Variants in SLC24A3 observed in about 807,000 individuals in gnomAD.
SLC24A3 encodes sodium/potassium/calcium exchanger 3.
SLC24A3 carries 28 observed loss-of-function variants against 75.8 expected under a neutral mutation model. The observed-to-expected ratio is 0.37, with a 90% confidence interval of 0.27 to 0.51. SLC24A3 has a LOEUF of 0.51. Ranked by LOEUF, SLC24A3 falls within the 20% of genes least tolerant of loss-of-function variation. SLC24A3 has a pLI of 0.94. For synonymous variants in SLC24A3, 372 were observed against 334.1 expected (o/e 1.11, Z -1.24); for missense variants, 663 against 847.8 (o/e 0.78, Z 2.71).
At chr20:19,406,297 A>G (rs1422667448) in intron 2 of SLC24A3, among the ~76,000 whole-genome samples, 1 of 152,074 alleles carries the variant, frequency 6.6e-6, no homozygotes, top group African/African-American at 2.4e-5. Flanking sequence ...CAATTTTCTG[A>G]AATTCCACCT....
Position 19,721,501 on chromosome 20 carries a change from G to T in SLC24A3, c.*361G>T. On this transcript the variant is annotated 3_prime_UTR_variant, in exon 17 of 17. Transcript: ENST00000328041. ...TCCTCCTTTTTTAAGTTATTTGATGGAAGACTCACCTAATTTGTGACCTGA... is the reference window on the plus strand; with the variant it reads ...TCCTCCTTTTTTAAGTTATTTGATGTAAGACTCACCTAATTTGTGACCTGA... 5.0e-6 allele frequency: 1 copy of T among 199,368 alleles called. No individual in the cohort carries two copies. The highest frequency in any genetic ancestry group is 1.0e-5 in the Non-Finnish European group (1 of 98,978). 12.3% of individuals were successfully genotyped at this position (199,368 alleles called of 1,614,324 possible).
At chr20:19,391,190 C>T (rs2122388906) in intron 2 of SLC24A3, among the ~76,000 whole-genome samples, 1 of 152,318 alleles carries the variant, frequency 6.6e-6, no homozygotes, top group African/African-American at 2.4e-5. Context: ...ACCCCACTAA[C>T]ACCCTTGGCT....
chr20:19,424,825 C>T (rs1399957250), intron 2 of SLC24A3, among the ~76,000 whole-genome samples: 1 of 149,112 alleles, frequency 6.7e-6, no homozygotes, highest in Non-Finnish European at 1.5e-5. Context: ...ACCACAATGT[C>T]ACTGCTATTC....
intron 2 of SLC24A3, among the ~76,000 whole-genome samples, chr20:19,456,523 T>C (rs1013644592): frequency 6.6e-6 from 1 of 152,240 alleles, no homozygotes; most frequent in African/African-American, 2.4e-5. Context: ...TCCCCAGCCA[T>C]GTGGAACTGT....
rs547456995 is a variant in SLC24A3, at chr20:19,571,043, T to TGTGTG, written c.349-8938_349-8934dup. On this transcript the variant is annotated intron_variant, in intron 3 of 16. Coordinates refer to ENST00000328041, the MANE Select transcript of SLC24A3 (RefSeq NM_020689.4). Reference sequence around the variant, plus strand: ...CAGGCTTGTCCTCTTCCTGGAATGCTGTGTGGTGTGGTGTGGTGTGGTGGT... The same window carrying TGTGTG: ...CAGGCTTGTCCTCTTCCTGGAATGCTGTGTGGTGTGGTGTGGTGTGGTGTGGTGGT... Among the ~76,000 whole-genome samples the TGTGTG allele has an allele frequency of 3.3e-3, 496 of 152,084 alleles. 3 individuals are homozygous for TGTGTG. The highest frequency in any genetic ancestry group is 9.1e-3 in the African/African-American group (377 of 41,494).
At chr20:19,230,192 C>T (rs998053240) in intron 1 of SLC24A3, among the ~76,000 whole-genome samples, 3 of 152,060 alleles carry the variant, frequency 2.0e-5, no homozygotes, top group African/African-American at 7.2e-5. Context: ...ACCCTCCTGT[C>T]CCTTCAGCGC....
intron 1 of SLC24A3, among the ~76,000 whole-genome samples, chr20:19,225,467 C>T (rs997293131): frequency 6.6e-6 from 1 of 152,182 alleles, no homozygotes; most frequent in Non-Finnish European, 1.5e-5. Flanking sequence ...TCTTCCCTTA[C>T]ATATGTTAAA....
At chr20:19,640,073 G>C (rs549187109) in intron 6 of SLC24A3, among the ~76,000 whole-genome samples, 1 of 152,238 alleles carries the variant, frequency 6.6e-6, no homozygotes, top group Admixed American at 6.5e-5. Context: ...AGCCCAGAAA[G>C]GGGCTCCCAC....
chr20:19,709,927 A>C (rs1055570829), intron 15 of SLC24A3, among the ~76,000 whole-genome samples: 6 of 152,174 alleles, frequency 3.9e-5, no homozygotes, highest in African/African-American at 1.4e-4. Context: ...AAATGACTAA[A>C]GGACTTAGGG....
intron 2 of SLC24A3, among the ~76,000 whole-genome samples, chr20:19,285,607 G>A (rs1045654156): frequency 2.1e-5 from 3 of 145,156 alleles, no homozygotes; most frequent in Admixed American, 7.0e-5. Flanking sequence ...ACTGACCTCC[G>A]GGCTCCAACT....
chr20:19,504,480 A>C (rs1032386888), intron 2 of SLC24A3, among the ~76,000 whole-genome samples: 5 of 152,212 alleles, frequency 3.3e-5, no homozygotes, highest in African/African-American at 1.2e-4. Context: ...GCACTATTTC[A>C]AGTGCATTTT....
intron 2 of SLC24A3, among the ~76,000 whole-genome samples, chr20:19,424,386 A>G (rs1986964438): frequency 6.6e-6 from 1 of 152,174 alleles, no homozygotes; most frequent in Non-Finnish European, 1.5e-5. Context: ...TATAGACATG[A>G]TGACTAAATA....
At chr20:19,360,186 G>A (rs1470466610) in intron 2 of SLC24A3, among the ~76,000 whole-genome samples, 1 of 152,156 alleles carries the variant, frequency 6.6e-6, no homozygotes, top group Non-Finnish European at 1.5e-5. Context: ...TCTATATCTT[G>A]GGTTTTGCTG....
chr20:19,293,356 C>T (rs542987187), intron 2 of SLC24A3, among the ~76,000 whole-genome samples: 9 of 152,044 alleles, frequency 5.9e-5, no homozygotes, highest in African/African-American at 1.4e-4. Flanking sequence ...GTTCGTGGCT[C>T]GGAAAGGGAT....
intron 3 of SLC24A3, among the ~76,000 whole-genome samples, chr20:19,531,467 G>C (rs929057239): frequency 2.6e-5 from 4 of 152,236 alleles, no homozygotes; most frequent in Non-Finnish European, 5.9e-5. Flanking sequence ...GGAGCCCACT[G>C]TTTGGCAAGA....
At chr20:19,315,875 A>C (rs546374958) in intron 2 of SLC24A3, among the ~76,000 whole-genome samples, 1 of 152,352 alleles carries the variant, frequency 6.6e-6, no homozygotes, top group African/African-American at 2.4e-5. Flanking sequence ...AAATGCATTT[A>C]ATACATCTAA....
intron 6 of SLC24A3, among the ~76,000 whole-genome samples, chr20:19,650,680 T>G (rs2032191949): frequency 6.6e-6 from 1 of 152,050 alleles, no homozygotes; most frequent in Non-Finnish European, 1.5e-5. Flanking sequence ...CCCTAAAGAA[T>G]TATAAGTTTG....
rs192095236 is a variant in SLC24A3 at position 19,301,716 on chromosome 20, C to T, written c.271+20629C>T. Among the ~76,000 whole-genome samples the T allele has an allele frequency of 1.0e-3, 154 of 152,190 alleles. 1 individual carries two copies. Among genetic ancestry groups the T allele is most frequent in the African/African-American group, 3.0e-3 (125 of 41,524 alleles). On this transcript the variant is annotated intron_variant, in intron 2 of 16. Coordinates refer to ENST00000328041, the MANE Select transcript of SLC24A3 (RefSeq NM_020689.4). ...GCTTCTCTCTCTTCAGTTTTTTAGT[C>T]GCCCCCTTATGTGACATGGTTTGAT...
intron 3 of SLC24A3, among the ~76,000 whole-genome samples, chr20:19,524,748 A>T (rs1374999601): frequency 6.6e-6 from 1 of 152,198 alleles, no homozygotes; most frequent in Non-Finnish European, 1.5e-5. Flanking sequence ...GCAGTCACAG[A>T]TCTGCATAAC....
Sources: gnomAD v4.1 joint callset for allele counts (sites outside exome capture counted in the v4.1 genomes callset) on GRCh38, gnomAD v4.1.1 for gene constraint, MANE v1.5 for transcripts, NCBI Gene and HGNC (gene_info 2026-07-23, HGNC 2026-07-21) for gene names.